Variants in TTC3 observed in about 807,000 individuals in gnomAD.
TTC3 encodes tetratricopeptide repeat domain 3.
Under a neutral mutation model 249.6 loss-of-function variants are expected in TTC3, and 180 were observed. That is an observed-to-expected ratio of 0.72 (90% CI 0.64 to 0.82). The LOEUF (loss-of-function observed/expected upper bound fraction) is 0.82. Among genes scored for constraint, TTC3 ranks in the 40% least tolerant of loss-of-function variants. TTC3 has a pLI of 0.00. For synonymous variants in TTC3, 717 were observed against 805.0 expected, an observed-to-expected ratio of 0.89 and a Z score of 1.85; for missense variants, 2,061 against 2,398.4, an observed-to-expected ratio of 0.86 and a Z score of 2.94.
chr21:37,161,962 A>G (rs993517996), intron 30 of TTC3, 28 bp from the exon 31 acceptor site: 2 of 1,474,932 alleles, frequency 1.4e-6, no homozygotes, highest in African/African-American at 2.8e-5. Context: ...GTAGAAAATC[A>G]TTGTCATTTT....
intron 11 of TTC3, among the ~76,000 whole-genome samples, chr21:37,115,715 C>T (rs2076087064): frequency 6.6e-6 from 1 of 152,192 alleles, no homozygotes; most frequent in Admixed American, 6.5e-5. Context: ...CCTCACTGCT[C>T]CTGCTCTGTC....
At chr21:37,162,318 C>A (rs1470919056) in intron 31 of TTC3, among the ~76,000 whole-genome samples, 2 of 152,144 alleles carry the variant, frequency 1.3e-5, no homozygotes, top group South Asian at 4.1e-4. Flanking sequence ...TATTGAGAAC[C>A]TACCATGTGC....
intron 1 of TTC3, among the ~76,000 whole-genome samples, chr21:37,078,644 A>G (rs1294949349): frequency 6.6e-6 from 1 of 152,168 alleles, no homozygotes; most frequent in African/African-American, 2.4e-5. Context: ...TTTTAAAAAT[A>G]TTGACCCTTT....
At chr21:37,194,095 G>A (rs80007516) in intron 41 of TTC3, among the ~76,000 whole-genome samples, 1,628 of 152,282 alleles carry the variant, frequency 0.011, 27 homozygotes, top group African/African-American at 0.038. Context: ...AGCCAATGGA[G>A]CCTTCTTCTC....
At chr21:37,157,180 G>A (rs150044803) in intron 28 of TTC3, 14,191 of 1,369,166 alleles carry the variant, frequency 0.01, 75 homozygotes, top group Non-Finnish European at 0.012. Flanking sequence ...CAGCATCATG[G>A]GAAAGATTGC....
At chr21:37,178,117 C>T (rs1311020353) in intron 35 of TTC3, among the ~76,000 whole-genome samples, 4 of 152,302 alleles carry the variant, frequency 2.6e-5, no homozygotes, top group African/African-American at 9.6e-5. Flanking sequence ...CAAGGTTCAT[C>T]CATGTACATC....
intron 33 of TTC3, 53 bp from the exon 34 acceptor site, chr21:37,167,501 AT>A: frequency 7.1e-7 from 1 of 1,413,124 alleles, no homozygotes; most frequent in Non-Finnish European, 9.8e-7. Flanking sequence ...TGATGGGCTT[AT>A]TTTACTAGAG....
At chr21:37,109,850 C>T (rs1022923576) in intron 11 of TTC3, among the ~76,000 whole-genome samples, 1 of 152,220 alleles carries the variant, frequency 6.6e-6, no homozygotes, top group African/African-American at 2.4e-5. Context: ...CCGGGTACTC[C>T]TCTGAGACAA....
chr21:37,156,480 A>T (rs1272782047), intron 27 of TTC3, among the ~76,000 whole-genome samples, 175 bp from the exon 28 acceptor site: 1 of 152,246 alleles, frequency 6.6e-6, no homozygotes, highest in East Asian at 1.9e-4. Context: ...ACAATGTTAA[A>T]TGGTGTTTCT....
At chr21:37,081,237 A>G (rs2071613611) in intron 1 of TTC3, among the ~76,000 whole-genome samples, 1 of 143,044 alleles carries the variant, frequency 7.0e-6, no homozygotes, top group Non-Finnish European at 1.5e-5. Flanking sequence ...CCTGCCTCAG[A>G]CTCCCAAGTA....
At chr21:37,085,305 C>CT (rs982419644) in intron 1 of TTC3, among the ~76,000 whole-genome samples, 1 of 152,218 alleles carries the variant, frequency 6.6e-6, no homozygotes, top group Non-Finnish European at 1.5e-5. Flanking sequence ...TCATTGTTCA[C>CT]TTTTAGAGTT....
At chr21:37,081,951 G>A (rs948992260) in intron 1 of TTC3, 10 of 149,020 alleles carry the variant, frequency 6.7e-5, no homozygotes, top group African/African-American at 2.2e-4. Context: ...TGCAAGCTCC[G>A]CCTCCCGGGT....
intron 6 of TTC3, 141 bp from the exon 7 acceptor site, chr21:37,091,152 T>C (rs3787787): frequency 0.49 from 380,303 of 781,416 alleles, 94,909 homozygotes; most frequent in Non-Finnish European, 0.52. Context: ...CTAAGTTACA[T>C]GCCAGAGTAG....
chr21:37,158,269 A>T (rs917680403), intron 28 of TTC3: 1 of 947,864 alleles, frequency 1.1e-6, no homozygotes, highest in African/African-American at 1.8e-5. Flanking sequence ...ACAAAACAAG[A>T]CAACTAAAAA....
chr21:37,144,720 C>T (rs967726545), intron 21 of TTC3, 75 bp downstream of exon 21: 2 of 1,540,288 alleles, frequency 1.3e-6, no homozygotes, highest in Non-Finnish European at 1.8e-6. Context: ...TATCAGGAGG[C>T]GGAGAGGTAG....
intron 13 of TTC3, among the ~76,000 whole-genome samples, chr21:37,123,300 A>G (rs1164335138): frequency 1.3e-5 from 2 of 152,202 alleles, no homozygotes; most frequent in African/African-American, 2.4e-5. Context: ...GGACATTACT[A>G]TGCTTGGATG....
In TTC3 at chr21:37,153,138, T is replaced by A. The variant is rs571711243; in HGVS notation, c.2601T>A (p.Asn867Lys). ...GTTTTTCTAGCAGAAATTTTCTAAA[T>A]GAAGCAGTGGACTATGTTATTCGCC... Residue 867 changes from asparagine (N) to lysine (K), a missense_variant, in exon 27 of 46, where the codon AAT (asparagine) becomes AAA (lysine). Asn to Lys is a moderately conservative substitution (Grantham distance 94). Coordinates refer to ENST00000355666, the Ensembl canonical transcript of TTC3. 3 of 1,614,042 alleles carry A rather than the reference T, an allele frequency of 1.9e-6. No homozygotes were observed. The South Asian group carries it at 3.3e-5, about 18-fold the overall frequency.
chr21:37,180,397 C>CT (rs202224214), intron 35 of TTC3, among the ~76,000 whole-genome samples: 2,378 of 150,488 alleles, frequency 0.016, 129 homozygotes, highest in Admixed American at 0.11. Context: ...TATATATTAT[C>CT]TTTTTTTTTA....
intron 18 of TTC3, among the ~76,000 whole-genome samples, chr21:37,136,066 T>C (rs1279952761): frequency 6.6e-6 from 1 of 152,172 alleles, no homozygotes; most frequent in Non-Finnish European, 1.5e-5. Context: ...GGCACTACAA[T>C]CTGTGCCTAT....
Sources: gnomAD v4.1 joint callset for allele counts (sites outside exome capture counted in the v4.1 genomes callset) on GRCh38, gnomAD v4.1.1 for gene constraint, MANE v1.5 for transcripts, NCBI Gene and HGNC (gene_info 2026-07-23, HGNC 2026-07-21) for gene names.